The following PLIN1 variants were observed in gnomAD, a reference collection of about 807,000 sequenced individuals.
PLIN1 encodes the protein perilipin 1.
PLIN1 carries 37 observed loss-of-function variants against 45.8 expected under a neutral mutation model. That is an observed-to-expected ratio of 0.81 (90% CI 0.62 to 1.06). The LOEUF (loss-of-function observed/expected upper bound fraction) is 1.06. PLIN1 is among the 50% of genes least tolerant of loss of function. The pLI, the probability that PLIN1 is intolerant of heterozygous loss-of-function variation, is 0.00. For missense variants in PLIN1, 776 were observed against 716.5 expected, an observed-to-expected ratio of 1.08 and a Z score of -0.95; for synonymous variants, 340 against 309.2, an observed-to-expected ratio of 1.10 and a Z score of -1.05.
At position 89,673,276 on chromosome 15, in the gene PLIN1, C is replaced by T. The variant is rs747856069; in HGVS notation, c.184G>A (p.Val62Met). 19 of 1,581,672 alleles carry T rather than the reference C, an allele frequency of 1.2e-5. No individual in the cohort carries two copies. The highest frequency in any genetic ancestry group is 6.9e-5 in the East Asian group (3 of 43,180). Residue 62 changes from valine (V) to methionine (M), a missense_variant, in exon 3 of 9, where the codon GTG becomes ATG. Physicochemically the swap from Val to Met is conservative, Grantham distance 21. Coordinates refer to ENST00000300055, the MANE Select transcript of PLIN1 (RefSeq NM_002666.5). ...ASVCNAYEKG[V>M]QSASSLAAWS... ...GCAGCCAAGCTACTGGCGCTCTGCACGCCCTTCTCATAGGCATTGCACACA... is the reference window on the plus strand; with the variant it reads ...GCAGCCAAGCTACTGGCGCTCTGCATGCCCTTCTCATAGGCATTGCACACA...
In PLIN1 at chr15:89,667,590, T is replaced by C; in HGVS notation, c.963+12A>G. 4 of 1,614,096 alleles carry C rather than the reference T, an allele frequency of 2.5e-6. No individual in the cohort carries two copies. The highest frequency in any genetic ancestry group is 3.4e-6 in the Non-Finnish European group (4 of 1,179,946). Reference sequence around the variant, plus strand: ...GGCTGGGGGACCTTGAGGCTCCCACTCTCCCCCTCACCTCACTGAACTTGT... The same window carrying C: ...GGCTGGGGGACCTTGAGGCTCCCACCCTCCCCCTCACCTCACTGAACTTGT... On this transcript the variant is annotated intron_variant, in intron 7 of 8. Transcript: ENST00000300055.
Position 89,665,209 on chromosome 15 carries a change from AAATATTTATCC to A in PLIN1, c.*363_*373del, listed in dbSNP as rs1237972293. 32 of 229,194 alleles carry A rather than the reference AAATATTTATCC, an allele frequency of 1.4e-4. No homozygotes were observed. Among genetic ancestry groups the A allele is most frequent in the Non-Finnish European group, 2.8e-4 (32 of 113,346 alleles). 14.2% of individuals were successfully genotyped at this position (229,194 alleles called of 1,614,324 possible). On this transcript the variant is annotated 3_prime_UTR_variant, in exon 9 of 9. Transcript: ENST00000300055. ...GTGACAGGAGTTACTCATTCGTGGCAAATATTTATCCGCAGAGGCAGAATCTGAATTTTGGA... is the reference window on the plus strand; with the variant it reads ...GTGACAGGAGTTACTCATTCGTGGCAGCAGAGGCAGAATCTGAATTTTGGA...
chr15:89,673,773 T>C (rs1964476807), intron 2 of PLIN1, among the ~76,000 whole-genome samples: 1 of 152,154 alleles, frequency 6.6e-6, no homozygotes, highest in Admixed American at 6.5e-5. Flanking sequence ...AGAGTTTTAG[T>C]CCACCTTTGA....
In PLIN1 at chr15:89,667,032, A is replaced by G. The variant is rs2304795; in HGVS notation, c.1113T>C (p.Pro371=). The G allele has an allele frequency of 0.38, 609,128 of 1,613,576 alleles. 116,802 individuals are homozygous for G. The highest frequency in any genetic ancestry group is 0.52 in the South Asian group (47,049 of 91,062). ...CCCTCCCCTTGGTTGAGGAGACAGC[A>G]GGGGCTGGTGTGAGGTGCAGCACCC... ...AGRVLHLTPA[P]AVSSTKGRAM... The change falls in exon 8 of 9, where the codon CCT becomes CCC. Residue 371 remains proline, a synonymous_variant. Coordinates refer to ENST00000300055, the MANE Select transcript of PLIN1 (RefSeq NM_002666.5).
chr15:89,675,172 A>T (rs1412547879), intron 2 of PLIN1, among the ~76,000 whole-genome samples: 1 of 152,170 alleles, frequency 6.6e-6, no homozygotes, highest in Non-Finnish European at 1.5e-5. Context: ...TGCGATCTGC[A>T]CGTGCTGGGT....
At chr15:89,676,143 C>T (rs746463942) in intron 2 of PLIN1, among the ~76,000 whole-genome samples, 1 of 152,166 alleles carries the variant, frequency 6.6e-6, no homozygotes, top group Admixed American at 6.5e-5. Flanking sequence ...AAGTGAAGAC[C>T]TGACCTGTTC....
At chr15:89,677,726 G>T in intron 1 of PLIN1, 169 of 514,962 alleles carry the variant, frequency 3.3e-4, no homozygotes, top group South Asian at 8.0e-4. Context: ...CAAGACTGAT[G>T]TTTCTTTCTT....
chr15:89,670,376 T>A (rs1567078087), intron 4 of PLIN1, 132 bp from the exon 5 acceptor site: 1 of 877,288 alleles, frequency 1.1e-6, no homozygotes, highest in Non-Finnish European at 1.7e-6. Flanking sequence ...CTGGTACTGA[T>A]ATTTAGGTAC....
rs777174666 is a variant in PLIN1 at position 89,665,890 on chromosome 15, TTGTCGA to T, written c.1256_1261del (p.Ile419_Asp420del). 2.0e-6 allele frequency: 3 copies of T among 1,530,040 alleles called. No homozygotes were observed. In the South Asian group the frequency reaches 3.6e-5, roughly 19 times the overall value. The allele number at this position is 1,530,040 out of a possible 1,614,324, so 94.8% of individuals were successfully genotyped here. A position where few individuals can be genotyped will look rare whatever the true frequency, so the allele number is the denominator to read the frequency against. On this transcript the variant is annotated inframe_deletion, in exon 9 of 9. Coordinates refer to ENST00000300055, the MANE Select transcript of PLIN1 (RefSeq NM_002666.5). ...CCGGCGCTCGACCTCGGCTGGTGGG[TTGTCGA>T]TGTCCCGGAATTCGCTCTCGGGCTC...
intron 2 of PLIN1, chr15:89,677,138 G>A (rs766951435): frequency 4.6e-5 from 21 of 457,190 alleles, no homozygotes; most frequent in Non-Finnish European, 7.7e-5. Flanking sequence ...ACAGAGCATG[G>A]GCTTCTGCGT....
rs542866752 is a variant in PLIN1 at position 89,669,571 on chromosome 15, C to A, written c.700G>T (p.Val234Leu). The change falls in exon 6 of 9, where the codon GTG becomes TTG. Residue 234 changes from valine (V) to leucine (L), a missense_variant. Transcript: ENST00000300055. ...ALTNTLSRYT[V>L]QTMARALEQG... Reference sequence around the variant, plus strand: ...TCCAGGGCCCGGGCCATGGTCTGCACGGTGTATCGAGAGAGGGTGTTGGTC... The same window carrying A: ...TCCAGGGCCCGGGCCATGGTCTGCAAGGTGTATCGAGAGAGGGTGTTGGTC... The A allele has an allele frequency of 3.7e-6, 6 of 1,613,892 alleles. No individual in the cohort carries two copies. The South Asian group carries it at 4.4e-5, about 12-fold the overall frequency.
At position 89,670,016 on chromosome 15, in the gene PLIN1, C is replaced by T. The variant is rs1359361401; in HGVS notation, c.562G>A (p.Val188Met). The T allele has an allele frequency of 6.2e-7, 1 of 1,613,394 alleles. No individual in the cohort carries two copies. Among genetic ancestry groups the T allele is most frequent in the Non-Finnish European group, 8.5e-7 (1 of 1,179,786 alleles). The change falls in exon 5 of 9, where the codon GTG becomes ATG. Residue 188 changes from valine to methionine, a missense_variant. Transcript: ENST00000300055. The stretch of plus-strand genomic sequence containing the variant: ...TTGTCTGGAGGGAGGAGGTACTCCA[C>T]CACCTTCTCAATGCTGCCCAAGGCC... ...DLALGSIEKVVEYLLPPDKEE... is the reference protein window; with the variant it reads ...DLALGSIEKVMEYLLPPDKEE...
chr15:89,672,530 G>T (rs1204896956), intron 3 of PLIN1, among the ~76,000 whole-genome samples: 1 of 152,228 alleles, frequency 6.6e-6, no homozygotes, highest in Non-Finnish European at 1.5e-5. Context: ...GCTGTGTGGA[G>T]TCCTCAGCTA....
At chr15:89,666,790 C>T (rs1964347391) in intron 8 of PLIN1, 146 bp downstream of exon 8, 2 of 870,116 alleles carry the variant, frequency 2.3e-6, no homozygotes, top group Non-Finnish European at 3.7e-6. Flanking sequence ...TAAAATGTTG[C>T]CAGGGCACTG....
chr15:89,673,707 C>G (rs1243696264), intron 2 of PLIN1, among the ~76,000 whole-genome samples: 1 of 152,196 alleles, frequency 6.6e-6, no homozygotes, highest in East Asian at 1.9e-4. Flanking sequence ...CTCCCACCCC[C>G]ACCTCAGCTC....
Position 89,669,564 on chromosome 15 carries a change from G to A in PLIN1, c.707C>T (p.Thr236Ile). 3 of 1,613,932 alleles carry A rather than the reference G, an allele frequency of 1.9e-6. No homozygotes were observed. The stretch of plus-strand genomic sequence containing the variant: ...GCCCTGCTCCAGGGCCCGGGCCATG[G>A]TCTGCACGGTGTATCGAGAGAGGGT... ...TNTLSRYTVQ[T>I]MARALEQGHT... Residue 236 changes from threonine to isoleucine, a missense_variant, in exon 6 of 9, where the codon ACC becomes ATC. By Grantham distance (89) the Thr-to-Ile change is moderately conservative (BLOSUM62 -1). Transcript: ENST00000300055.
intron 2 of PLIN1, 31 bp downstream of exon 2, chr15:89,677,414 C>T (rs1469008291): frequency 6.3e-7 from 1 of 1,586,268 alleles, no homozygotes; most frequent in Non-Finnish European, 8.7e-7. Context: ...AGTTGTCCAT[C>T]CCCTGTCACA....
chr15:89,665,502 A>G lies in PLIN1; in HGVS notation c.*81T>C. 7.1e-7 allele frequency: 1 copy of G among 1,400,550 alleles called. No individual in the cohort carries two copies. The highest frequency in any genetic ancestry group is 9.6e-7 in the Non-Finnish European group (1 of 1,043,854). The allele number at this position is 1,400,550 out of a possible 1,614,324, so 86.8% of individuals were successfully genotyped here. ...CCCAGGGGACCACTTTGAAAGTGGCAACGCTCGCCTGGGCAGTGCGGGTTC... is the reference window on the plus strand; with the variant it reads ...CCCAGGGGACCACTTTGAAAGTGGCGACGCTCGCCTGGGCAGTGCGGGTTC... On this transcript the variant is annotated 3_prime_UTR_variant, in exon 9 of 9. Coordinates refer to ENST00000300055, the MANE Select transcript of PLIN1 (RefSeq NM_002666.5).
chr15:89,677,512 C>T lies in PLIN1; in HGVS notation c.-14-9G>A. Reference sequence around the variant, plus strand: ...CATCCTCGCTCCTCAAGCTGCAAAACAGAGTCCCAGGTCCCATCAGAAGCC... The same window carrying T: ...CATCCTCGCTCCTCAAGCTGCAAAATAGAGTCCCAGGTCCCATCAGAAGCC... On this transcript the variant is annotated splice_polypyrimidine_tract_variant and intron_variant, in intron 1 of 8. Transcript: ENST00000300055. The T allele has an allele frequency of 6.2e-7, 1 of 1,613,306 alleles. No individual in the cohort carries two copies.
Sources: gnomAD v4.1 joint callset for allele counts (sites outside exome capture counted in the v4.1 genomes callset) on GRCh38, gnomAD v4.1.1 for gene constraint, MANE v1.5 for transcripts, NCBI Gene and HGNC (gene_info 2026-07-23, HGNC 2026-07-21) for gene names.